UMODL1: variants seen among roughly 807,000 people sequenced by gnomAD.
The protein encoded by UMODL1 is uromodulin-like 1.
UMODL1 carries 128 observed loss-of-function variants against 136.3 expected under a neutral mutation model. The ratio of observed to expected loss-of-function variants is 0.94; its 90% confidence interval spans 0.81 to 1.09. The LOEUF is 1.09. Among genes scored for constraint, UMODL1 ranks in the 50% least tolerant of loss-of-function variants. The pLI, the probability that UMODL1 is intolerant of heterozygous loss-of-function variation, is 0.00. For synonymous variants in UMODL1, 721 were observed against 720.0 expected (o/e 1.00, Z -0.02); for missense variants, 1,766 against 1,725.6 (o/e 1.02, Z -0.41).
upstream of UMODL1, among the ~76,000 whole-genome samples, chr21:42,066,893 C>CGGTT (rs2066187134): frequency 6.6e-6 from 1 of 152,132 alleles, no homozygotes; most frequent in Non-Finnish European, 1.5e-5. Context: ...TCTGGCTTAA[C>CGGTT]GGTTATTCAA....
At chr21:42,115,802 T>C in intron 13 of UMODL1, 71 bp from the exon 14 acceptor site, 1 of 1,222,592 alleles carries the variant, frequency 8.2e-7, no homozygotes, top group South Asian at 1.3e-5. Context: ...AATACATTTA[T>C]TAATATTGAA....
chr21:42,115,775 C>T lies in UMODL1; in HGVS notation c.2363-98C>T, dbSNP rs999647509. 3 of 983,346 alleles carry T rather than the reference C, an allele frequency of 3.1e-6. No individual in the cohort carries two copies. In the African/African-American group the frequency reaches 4.9e-5, roughly 16 times the overall value. The allele number at this position is 983,346 out of a possible 1,614,324, so 60.9% of individuals were successfully genotyped here. A position where few individuals can be genotyped will look rare whatever the true frequency, so the allele number is the denominator to read the frequency against. Reference sequence around the variant, plus strand: ...AACACGGGTTGGCTTTGGTGTGATGCTCTTCCTGGACATGAAAATACATTT... The same window carrying T: ...AACACGGGTTGGCTTTGGTGTGATGTTCTTCCTGGACATGAAAATACATTT... On this transcript the variant is annotated intron_variant, in intron 13 of 22. Transcript: ENST00000408910.
chr21:42,121,152 G>A lies in UMODL1; in HGVS notation c.2755G>A (p.Gly919Arg), dbSNP rs766115924. Residue 919 changes from glycine to arginine, a missense_variant, in exon 16 of 23, where the codon GGG (glycine) becomes AGG (arginine). Gly to Arg is a moderately radical substitution (Grantham distance 125). Coordinates refer to ENST00000408910, the MANE Select transcript of UMODL1 (RefSeq NM_001004416.3). Reference sequence around the variant, plus strand: ...GGGGACATCCTGTCGAAACACCCTCGGGTCTTTCACTTGTAGCTGCGAGGG... The same window carrying A: ...GGGGACATCCTGTCGAAACACCCTCAGGTCTTTCACTTGTAGCTGCGAGGG... The part of the protein sequence containing the change: ...VPGTSCRNTL[G>R]SFTCSCEGGA... 3.7e-6 allele frequency: 6 copies of A among 1,614,096 alleles called. No individual in the cohort carries two copies. Among genetic ancestry groups the A allele is most frequent in the South Asian group, 2.2e-5 (2 of 91,064 alleles).
At chr21:42,115,822 T>A (rs767656524) in intron 13 of UMODL1, 51 bp from the exon 14 acceptor site, 2 of 1,374,206 alleles carry the variant, frequency 1.5e-6, no homozygotes, top group Admixed American at 3.4e-5. Context: ...AATGTTAGTC[T>A]GTTATCTAAT....
At chr21:42,096,471 C>T (rs774404767) in intron 6 of UMODL1, among the ~76,000 whole-genome samples, 12 of 152,194 alleles carry the variant, frequency 7.9e-5, no homozygotes, top group Non-Finnish European at 1.3e-4. Flanking sequence ...TTGCCAGCCC[C>T]GTACCCTGTG....
At position 42,123,157 on chromosome 21, in the gene UMODL1, C is replaced by A. The variant is rs1194987008; in HGVS notation, c.3147+7C>A. 1.9e-6 allele frequency: 3 copies of A among 1,603,302 alleles called. No homozygotes were observed. Among genetic ancestry groups the A allele is most frequent in the Admixed American group, 3.4e-5 (2 of 59,598 alleles). On this transcript the variant is annotated splice_region_variant and intron_variant, in intron 17 of 22. Coordinates refer to ENST00000408910, the MANE Select transcript of UMODL1 (RefSeq NM_001004416.3). The surrounding 1 kb of genome is among the most constrained non-coding windows in gnomAD (Gnocchi z 4.4). ...TGGGACCCTCATGCAGAGCGTAAGA[C>A]CAGGAGAGCCAGGCTCAGGATGTAC...
At chr21:42,126,980 C>T in intron 18 of UMODL1, 26 bp from the exon 19 acceptor site, 1 of 1,589,608 alleles carries the variant, frequency 6.3e-7, no homozygotes, top group Non-Finnish European at 8.6e-7. Context: ...TGAAACATGC[C>T]TCCTGCAAGC....
chr21:42,121,334 C>G, intron 16 of UMODL1, 110 bp downstream of exon 16: 1 of 1,385,380 alleles, frequency 7.2e-7, no homozygotes, highest in Non-Finnish European at 9.8e-7. Flanking sequence ...ATTTTTATGT[C>G]CTGGGGAAGT....
chr21:42,081,148 AC>A (rs1480958675), intron 2 of UMODL1, among the ~76,000 whole-genome samples: 3 of 152,006 alleles, frequency 2.0e-5, no homozygotes, highest in Admixed American at 1.3e-4. Context: ...CAAGTCCAGG[AC>A]CCCCAGAGGA....
At chr21:42,090,508 G>A (rs1009536203) in intron 6 of UMODL1, 70 bp downstream of exon 6, 10 of 1,577,210 alleles carry the variant, frequency 6.3e-6, no homozygotes, top group Non-Finnish European at 8.6e-6. Flanking sequence ...ATACTCACCA[G>A]CAGTGCTTAC....
rs1315114829 is a variant in UMODL1, at chr21:42,122,225, G to A, written c.2828-606G>A. On this transcript the variant is annotated intron_variant, in intron 16 of 22. Coordinates refer to ENST00000408910, the MANE Select transcript of UMODL1 (RefSeq NM_001004416.3). This position sits in a 1 kb window ranked among gnomAD's most constrained non-coding sequence, Gnocchi z 4.3. Reference sequence around the variant, plus strand: ...ACGTGCGGAGCTGTGTCTGGGGTCTGCTTCCATATAGACCACCCCGAGAAC... The same window carrying A: ...ACGTGCGGAGCTGTGTCTGGGGTCTACTTCCATATAGACCACCCCGAGAAC... Among the ~76,000 whole-genome samples, 1 of 152,176 alleles carries A rather than the reference G, an allele frequency of 6.6e-6. No homozygotes were observed. Among genetic ancestry groups the A allele is most frequent in the Non-Finnish European group, 1.5e-5 (1 of 68,026 alleles).
At chr21:42,129,166 G>A (rs2067101193) in intron 20 of UMODL1, among the ~76,000 whole-genome samples, 1 of 152,138 alleles carries the variant, frequency 6.6e-6, no homozygotes, top group African/African-American at 2.4e-5. Context: ...CCACCCTGAT[G>A]ACCTCAGCTT....
rs374011455 is a variant in UMODL1, at chr21:42,127,205, G to A, written c.3493G>A (p.Ala1165Thr). Reference protein sequence around the residue: ...TECWATPSSNARDPITFSFIN... With the variant: ...TECWATPSSNTRDPITFSFIN... ...GTGCTGGGCAACCCCGTCTAGCAAC[G>A]CCCGGGACCCCATCACCTTCAGCTT... The change falls in exon 19 of 23, where the codon GCC (alanine) becomes ACC (threonine). Residue 1165 changes from alanine to threonine, a missense_variant. By Grantham distance (58) the Ala-to-Thr change is moderately conservative. Transcript: ENST00000408910. 246 of 1,613,922 alleles carry A rather than the reference G, an allele frequency of 1.5e-4. No individual in the cohort carries two copies. The highest frequency in any genetic ancestry group is 2.0e-4 in the Non-Finnish European group (236 of 1,180,030).
In UMODL1 at chr21:42,116,190, A is replaced by C. The variant is rs1004543399; in HGVS notation, c.2475+205A>C. On this transcript the variant is annotated intron_variant, in intron 14 of 22. Coordinates refer to ENST00000408910, the MANE Select transcript of UMODL1 (RefSeq NM_001004416.3). ...TCTCCACCAAAAAAAAAAAAAAAAA[A>C]AAAAATACAAAAAATGAGCCTGTCA... Among the ~76,000 whole-genome samples, 73 of 150,056 alleles carry C rather than the reference A, an allele frequency of 4.9e-4. 1 individual carries two copies. The highest frequency in any genetic ancestry group is 1.8e-3 in the African/African-American group (72 of 41,008).
chr21:42,110,587 C>A (rs978664301), intron 10 of UMODL1, among the ~76,000 whole-genome samples: 1 of 152,208 alleles, frequency 6.6e-6, no homozygotes, highest in South Asian at 2.1e-4. Flanking sequence ...CTATGAGAAC[C>A]AAGCCCTGCA....
chr21:42,100,677 T>C lies in UMODL1; in HGVS notation c.1187-1489T>C, dbSNP rs993284642. The stretch of plus-strand genomic sequence containing the variant: ...CTCCAGGGTACAAAATTGATCTCTA[T>C]TGGGAAATGCAATAGGAACTTGCAG... On this transcript the variant is annotated intron_variant, in intron 7 of 22. Coordinates refer to ENST00000408910, the MANE Select transcript of UMODL1 (RefSeq NM_001004416.3). Among the ~76,000 whole-genome samples the C allele has an allele frequency of 7.2e-5, 11 of 151,902 alleles. No individual in the cohort carries two copies. The East Asian group carries it at 1.2e-3, about 16-fold the overall frequency.
chr21:42,086,608 A>G, intron 4 of UMODL1: 1 of 455,222 alleles, frequency 2.2e-6, no homozygotes, highest in Non-Finnish European at 4.4e-6. Context: ...GTTGCCACTC[A>G]TCAGCTGTGT....
Position 42,123,291 on chromosome 21 carries a change from T to A in UMODL1, c.3147+141T>A. 3 of 1,008,542 alleles carry A rather than the reference T, an allele frequency of 3.0e-6. No individual in the cohort carries two copies. The highest frequency in any genetic ancestry group is 4.2e-6 in the Non-Finnish European group (3 of 709,928). 62.5% of individuals were successfully genotyped at this position (1,008,542 alleles called of 1,614,324 possible). On this transcript the variant is annotated intron_variant, in intron 17 of 22. Transcript: ENST00000408910. This position sits in a 1 kb window ranked among gnomAD's most constrained non-coding sequence, Gnocchi z 4.4. ...AAGGGGGGTTCAGGACAGGGTTGAG[T>A]TCTCAACCAGGGACCAGCCTGCACC...
chr21:42,088,985 G>A (rs1252533443), intron 5 of UMODL1, among the ~76,000 whole-genome samples: 2 of 152,120 alleles, frequency 1.3e-5, no homozygotes, highest in African/African-American at 4.8e-5. Context: ...GCACATAGAC[G>A]TGGCCTTGTT....
Sources: allele counts gnomAD v4.1 joint callset (sites outside exome capture counted in the v4.1 genomes callset), GRCh38; gene constraint gnomAD v4.1.1; non-coding constraint Gnocchi (gnomAD v3.1); transcripts MANE v1.5; gene names NCBI Gene and HGNC (gene_info 2026-07-23, HGNC 2026-07-21).